The following CFAP36 variants were observed in gnomAD, a reference collection of about 807,000 sequenced individuals.
CFAP36 encodes cilia- and flagella-associated protein 36.
A neutral mutation model predicts 50.5 loss-of-function variants in CFAP36; 37 were observed. That is an observed-to-expected ratio of 0.73 (90% CI 0.56 to 0.96). The LOEUF (loss-of-function observed/expected upper bound fraction) is 0.96. CFAP36 is among the 50% of genes least tolerant of loss of function. The pLI is 0.00. For missense variants in CFAP36, 407 were observed against 396.2 expected, an observed-to-expected ratio of 1.03 and a Z score of -0.23; for synonymous variants, 138 against 128.2, an observed-to-expected ratio of 1.08 and a Z score of -0.52.
intron 6 of CFAP36, among the ~76,000 whole-genome samples, chr2:55,536,172 AC>A (rs1210404842): frequency 6.8e-6 from 1 of 148,106 alleles, no homozygotes; most frequent in Non-Finnish European, 1.5e-5. Flanking sequence ...TCATTCTGTC[AC>A]CCAGGCTGGA....
At chr2:55,533,710 T>C (rs59921663) in intron 4 of CFAP36, among the ~76,000 whole-genome samples, 163 bp from the exon 5 acceptor site, 1 of 135,856 alleles carries the variant, frequency 7.4e-6, no homozygotes. Context: ...AAAAAAAAAA[T>C]ATATATATAT....
chr2:55,525,343 C>T (rs528508070), intron 3 of CFAP36, among the ~76,000 whole-genome samples: 2 of 151,904 alleles, frequency 1.3e-5, no homozygotes, highest in African/African-American at 4.8e-5. Flanking sequence ...CCCCAGAGTA[C>T]CTACTCAGGA....
chr2:55,528,674 G>T (rs1029138849), intron 3 of CFAP36, among the ~76,000 whole-genome samples: 7 of 152,128 alleles, frequency 4.6e-5, no homozygotes, highest in African/African-American at 1.4e-4. Context: ...GGGTTTACAG[G>T]TGTGAGCCAC....
intron 3 of CFAP36, among the ~76,000 whole-genome samples, chr2:55,524,774 G>T (rs1197873033): frequency 6.6e-6 from 1 of 151,994 alleles, no homozygotes; most frequent in Admixed American, 6.6e-5. Flanking sequence ...CTGAGGTCGG[G>T]AGTTCGAGAC....
At chr2:55,521,173 A>AAAAAC (rs1382910325) in intron 1 of CFAP36, among the ~76,000 whole-genome samples, 1 of 151,960 alleles carries the variant, frequency 6.6e-6, no homozygotes, top group Non-Finnish European at 1.5e-5. Context: ...AACAATGTTC[A>AAAAAC]AAAACAAAAT....
chr2:55,535,791 T>C (rs759314524), intron 6 of CFAP36, 28 bp downstream of exon 6: 1 of 1,543,974 alleles, frequency 6.5e-7, no homozygotes, highest in Non-Finnish European at 8.7e-7. Context: ...AACAGAAGTA[T>C]TTTATTGCTG....
intron 7 of CFAP36, among the ~76,000 whole-genome samples, chr2:55,541,753 TGA>T (rs938084626): frequency 4.6e-5 from 7 of 152,146 alleles, no homozygotes; most frequent in African/African-American, 9.7e-5. Context: ...ATCAGAAAGG[TGA>T]GAGAGGGGAC....
At chr2:55,520,865 T>C (rs1684044824) in intron 1 of CFAP36, among the ~76,000 whole-genome samples, 1 of 152,192 alleles carries the variant, frequency 6.6e-6, no homozygotes, top group Non-Finnish European at 1.5e-5. Flanking sequence ...AAGTGTTTCA[T>C]GATAGAATGT....
intron 4 of CFAP36, among the ~76,000 whole-genome samples, chr2:55,529,617 T>C (rs945143146): frequency 3.3e-5 from 5 of 151,892 alleles, no homozygotes; most frequent in East Asian, 1.9e-4. Context: ...TGGCTTAAGA[T>C]TGTTAGGACC....
chr2:55,522,295 T>C (rs1045143654), intron 2 of CFAP36, 129 bp downstream of exon 2: 1 of 541,654 alleles, frequency 1.8e-6, no homozygotes, highest in Non-Finnish European at 3.3e-6. Flanking sequence ...ACCTTAACAA[T>C]AGTGCCAGTT....
At chr2:55,528,205 T>C (rs896199991) in intron 3 of CFAP36, among the ~76,000 whole-genome samples, 37 of 150,998 alleles carry the variant, frequency 2.5e-4, no homozygotes, top group Admixed American at 1.3e-3. Flanking sequence ...ATATAAAATA[T>C]GTAATCATAG....
chr2:55,542,927 G>A (rs1198209151), intron 7 of CFAP36, among the ~76,000 whole-genome samples: 1 of 152,182 alleles, frequency 6.6e-6, no homozygotes, highest in Non-Finnish European at 1.5e-5. Context: ...TATTGTCCAA[G>A]GGTCTGGAGA....
rs761367442 is a variant in CFAP36 at position 55,533,872 on chromosome 2, G to C, written c.398-1G>C. Reference sequence around the variant, plus strand: ...TTCATGTGGTCTTTGGTTTTGAACAGGTGTATTACCTGACTGCTTAACCGA... The same window carrying C: ...TTCATGTGGTCTTTGGTTTTGAACACGTGTATTACCTGACTGCTTAACCGA... On this transcript the variant is annotated splice_acceptor_variant, in intron 4 of 9. Transcript: ENST00000349456. LOFTEE classifies it high-confidence loss of function. The C allele has an allele frequency of 1.3e-6, 2 of 1,596,214 alleles. No individual in the cohort carries two copies. Among genetic ancestry groups the C allele is most frequent in the South Asian group, 2.3e-5 (2 of 88,606 alleles).
At chr2:55,543,052 T>G (rs1046637862) in intron 7 of CFAP36, among the ~76,000 whole-genome samples, 1 of 110,134 alleles carries the variant, frequency 9.1e-6, no homozygotes, top group Non-Finnish European at 1.8e-5. Context: ...TTAGTATGTA[T>G]GCTGGCAAGG....
At chr2:55,539,664 T>A (rs1168691224) in intron 7 of CFAP36, 1 of 152,240 alleles carries the variant, frequency 6.6e-6, no homozygotes, top group East Asian at 1.9e-4. Context: ...TATCTTACAG[T>A]AAGAGTATGT....
chr2:55,523,630 G>C (rs913727732), intron 2 of CFAP36, 91 bp from the exon 3 acceptor site: 2 of 729,272 alleles, frequency 2.7e-6, no homozygotes, highest in East Asian at 5.7e-5. Context: ...CAAAAAATTC[G>C]ATGATACTTT....
intron 7 of CFAP36, chr2:55,538,645 TTGCCCAGGCTGGGTC>T: frequency 1.4e-6 from 1 of 714,754 alleles, no homozygotes; most frequent in Non-Finnish European, 2.3e-6. Flanking sequence ...TGTTGCTGTG[TTGCCCAGGCTGGGTC>T]TCAAACTCCT....
intron 1 of CFAP36, among the ~76,000 whole-genome samples, chr2:55,520,241 C>G (rs764094360): frequency 6.6e-6 from 1 of 152,232 alleles, no homozygotes; most frequent in Non-Finnish European, 1.5e-5. Flanking sequence ...CTGTCCCGAA[C>G]GTTTCTGCCC....
At chr2:55,540,118 TA>T (rs1229437504) in intron 7 of CFAP36, among the ~76,000 whole-genome samples, 1 of 152,192 alleles carries the variant, frequency 6.6e-6, no homozygotes, top group Admixed American at 6.5e-5. Context: ...GTCTTTTACA[TA>T]GCAGAAATTT....
Sources: allele counts gnomAD v4.1 joint callset (sites outside exome capture counted in the v4.1 genomes callset), GRCh38; gene constraint gnomAD v4.1.1; transcripts MANE v1.5; gene names NCBI Gene and HGNC (gene_info 2026-07-23, HGNC 2026-07-21).